Variants in FCHO2 observed in about 807,000 individuals in gnomAD.
FCHO2 encodes F-BAR domain only protein 2.
A neutral mutation model predicts 114.1 loss-of-function variants in FCHO2; 43 were observed. That is an observed-to-expected ratio of 0.38 (90% CI 0.30 to 0.49). The LOEUF is 0.49. FCHO2 is among the 20% of genes least tolerant of loss of function. The pLI, the probability that FCHO2 is intolerant of heterozygous loss-of-function variation, is 0.97. For missense variants in FCHO2, 807 were observed against 950.4 expected (o/e 0.85, Z 1.98); for synonymous variants, 293 against 315.2 (o/e 0.93, Z 0.75).
chr5:72,969,177 A>G (rs1752373827), intron 2 of FCHO2, among the ~76,000 whole-genome samples: 1 of 152,196 alleles, frequency 6.6e-6, no homozygotes, highest in Admixed American at 6.5e-5. Flanking sequence ...CAACTTTGTA[A>G]TTATTTATAT....
rs1477950100 is a variant in FCHO2, at chr5:72,979,905, T to C, written c.126-9522T>C. 1.3e-5 allele frequency among the ~76,000 whole-genome samples: 2 copies of C among 152,190 alleles called. 1 individual carries two copies. Among genetic ancestry groups the C allele is most frequent in the South Asian group, 4.1e-4 (2 of 4,832 alleles). On this transcript the variant is annotated intron_variant, in intron 2 of 25. Transcript: ENST00000430046. ...CTTTTCAAAAAACCAGCTCCTGGAT[T>C]CATTGATTTTTTTGAACGCTGTTTC...
chr5:73,067,067 T>C (rs1742384012), intron 18 of FCHO2, among the ~76,000 whole-genome samples: 1 of 152,088 alleles, frequency 6.6e-6, no homozygotes, highest in African/African-American at 2.4e-5. Context: ...TCCTTTTGTG[T>C]GTATGCTGTG....
In FCHO2 at chr5:72,973,572, G is replaced by A. The variant is rs1482506596; in HGVS notation, c.125+4983G>A. Among the ~76,000 whole-genome samples, 22 of 151,130 alleles carry A rather than the reference G, an allele frequency of 1.5e-4. No homozygotes were observed. In the East Asian group the frequency reaches 2.1e-3, roughly 15 times the overall value. ...TATCCCCTTTATCATTTTTTATTGC[G>A]TCTATTTGATTCTTCTCTCTTTTTT... is the stretch of plus-strand genomic sequence containing the variant. On this transcript the variant is annotated intron_variant, in intron 2 of 25. Transcript: ENST00000430046.
intron 11 of FCHO2, among the ~76,000 whole-genome samples, chr5:73,046,116 G>T (rs959932524): frequency 1.3e-5 from 2 of 152,200 alleles, no homozygotes; most frequent in Non-Finnish European, 2.9e-5. Context: ...CCAGGCTGGA[G>T]TGCGGTAGCA....
At position 73,001,551 on chromosome 5, in the gene FCHO2, A is replaced by AT. The variant is rs1054356117; in HGVS notation, c.496-4886dup. ...TGCTTCTCTATTTCTTTTTTCTTTCATTTTTTTTCTCCCTATCATCTTGTA... is the reference window on the plus strand; with the variant it reads ...TGCTTCTCTATTTCTTTTTTCTTTCATTTTTTTTTCTCCCTATCATCTTGTA... On this transcript the variant is annotated intron_variant, in intron 5 of 25. Transcript: ENST00000430046. 1.5e-3 allele frequency among the ~76,000 whole-genome samples: 227 copies of AT among 146,464 alleles called. 1 individual carries two copies. Among genetic ancestry groups the AT allele is most frequent in the African/African-American group, 5.6e-3 (221 of 39,746 alleles).
In FCHO2 at chr5:73,017,292, T is replaced by G. The variant is rs1461026198; in HGVS notation, c.780T>G (p.Thr260=). 14 of 1,561,622 alleles carry G rather than the reference T, an allele frequency of 9.0e-6. No individual in the cohort carries two copies. The East Asian group carries it at 3.1e-4, about 34-fold the overall frequency. ...AAAAATTTGCTGAGTCAAAAGGCAC[T>G]GGGAAGGAAAGACCTGGTAAGATGA... ...LIQKFAESKG[T]GKERPGLIEF... is the part of the protein sequence containing the mutation. The change falls in exon 8 of 26, where the codon ACT becomes ACG. Residue 260 remains threonine, a synonymous_variant. Coordinates refer to ENST00000430046, the MANE Select transcript of FCHO2 (RefSeq NM_138782.3).
chr5:73,069,851 C>T (rs1580199108), intron 19 of FCHO2, among the ~76,000 whole-genome samples: 1 of 152,042 alleles, frequency 6.6e-6, no homozygotes, highest in East Asian at 1.9e-4. Context: ...CTACCTTTTT[C>T]ACCCATTGTT....
intron 11 of FCHO2, 139 bp from the exon 12 acceptor site, chr5:73,051,210 C>T (rs1215710350): frequency 1.8e-5 from 10 of 552,490 alleles, no homozygotes; most frequent in Admixed American, 7.7e-5. Context: ...AATTTTTCTT[C>T]GGTGTTCATC....
intron 16 of FCHO2, among the ~76,000 whole-genome samples, chr5:73,057,879 T>TA (rs1234843549): frequency 6.6e-6 from 1 of 152,194 alleles, no homozygotes; most frequent in Non-Finnish European, 1.5e-5. Flanking sequence ...GAATGGGAAT[T>TA]AATCTTCCCC....
intron 2 of FCHO2, among the ~76,000 whole-genome samples, chr5:72,984,173 A>G (rs1753383659): frequency 2.6e-5 from 4 of 152,126 alleles, no homozygotes. Flanking sequence ...ACAACTTGTC[A>G]TTTATGTGAA....
At chr5:73,018,877 C>A (rs1015177533) in intron 8 of FCHO2, among the ~76,000 whole-genome samples, 9 of 152,152 alleles carry the variant, frequency 5.9e-5, no homozygotes, top group Admixed American at 2.6e-4. Context: ...ATTATGTACA[C>A]ATCTTCAATA....
chr5:72,962,445 G>T (rs1281178420), intron 1 of FCHO2, among the ~76,000 whole-genome samples: 1 of 152,088 alleles, frequency 6.6e-6, no homozygotes, highest in Non-Finnish European at 1.5e-5. Flanking sequence ...AGTCACTGAG[G>T]TATCTCCTGA....
At chr5:72,991,102 T>C (rs887262704) in intron 5 of FCHO2, among the ~76,000 whole-genome samples, 9 of 152,224 alleles carry the variant, frequency 5.9e-5, no homozygotes, top group Non-Finnish European at 1.3e-4. Context: ...TTTGCTCTTG[T>C]TGCCTAGGCT....
intron 8 of FCHO2, among the ~76,000 whole-genome samples, chr5:73,030,806 G>A (rs552033400): frequency 2.2e-4 from 33 of 152,276 alleles, no homozygotes; most frequent in African/African-American, 6.0e-4. Flanking sequence ...ATTGCGCCAG[G>A]AGTCTCTCAT....
intron 5 of FCHO2, among the ~76,000 whole-genome samples, chr5:72,998,595 T>C (rs1464821907): frequency 6.6e-6 from 1 of 151,874 alleles, no homozygotes; most frequent in East Asian, 1.9e-4. Flanking sequence ...TTAATGCAAA[T>C]GTCTATGATC....
chr5:73,033,012 T>C (rs914959053), intron 8 of FCHO2, among the ~76,000 whole-genome samples: 1 of 152,204 alleles, frequency 6.6e-6, no homozygotes, highest in Non-Finnish European at 1.5e-5. Flanking sequence ...TTTACCCTTA[T>C]TGATTTTTCA....
intron 19 of FCHO2, among the ~76,000 whole-genome samples, chr5:73,073,331 G>T (rs1742750387): frequency 6.6e-6 from 1 of 152,074 alleles, no homozygotes; most frequent in East Asian, 1.9e-4. Context: ...AGTGACAAAA[G>T]GATAAAATTA....
chr5:73,054,519 T>G lies in FCHO2; in HGVS notation c.1186-6T>G. ...TTATGGTACCTATTTTGCATCTCTGTTTTAGGTACAGATGAATCGGAATTT... is the reference window on the plus strand; with the variant it reads ...TTATGGTACCTATTTTGCATCTCTGGTTTAGGTACAGATGAATCGGAATTT... On this transcript the variant is annotated splice_polypyrimidine_tract_variant and splice_region_variant and intron_variant, in intron 14 of 25. Coordinates refer to ENST00000430046, the MANE Select transcript of FCHO2 (RefSeq NM_138782.3). 6.5e-7 allele frequency: 1 copy of G among 1,540,604 alleles called. No individual in the cohort carries two copies. The highest frequency in any genetic ancestry group is 8.8e-7 in the Non-Finnish European group (1 of 1,141,698).
rs996044888 is a variant in FCHO2, at chr5:73,051,494, A to T, written c.997+88A>T. ...AAAATCATGTATTAAAGCCTCTTCC[A>T]ATTTTTTATTAATTATAAAATATGG... On this transcript the variant is annotated intron_variant, in intron 12 of 25. Transcript: ENST00000430046. 3 of 704,426 alleles carry T rather than the reference A, an allele frequency of 4.3e-6. No individual in the cohort carries two copies. In the East Asian group the frequency reaches 9.7e-5, roughly 23 times the overall value. 43.6% of individuals were successfully genotyped at this position (704,426 alleles called of 1,614,324 possible). A position where few individuals can be genotyped will look rare whatever the true frequency, so the allele number is the denominator to read the frequency against.
Sources: gnomAD v4.1 joint callset for allele counts (sites outside exome capture counted in the v4.1 genomes callset) on GRCh38, gnomAD v4.1.1 for gene constraint, MANE v1.5 for transcripts, NCBI Gene and HGNC (gene_info 2026-07-23, HGNC 2026-07-21) for gene names.